TUBGCP6: variants seen among roughly 807,000 people sequenced by gnomAD.
The protein encoded by TUBGCP6 is gamma-tubulin complex component 6.
TUBGCP6 carries 161 observed loss-of-function variants against 175.8 expected under a neutral mutation model. That is an observed-to-expected ratio of 0.92 (90% CI 0.81 to 1.04). The LOEUF is 1.04. Ranked by LOEUF, TUBGCP6 falls within the 50% of genes least tolerant of loss-of-function variation. The pLI is 0.00. For missense variants in TUBGCP6, 2,572 were observed against 2,433.0 expected, an observed-to-expected ratio of 1.06 and a Z score of -1.20; for synonymous variants, 1,173 against 1,030.5, an observed-to-expected ratio of 1.14 and a Z score of -2.65.
chr22:50,243,525 C>T (rs947253088), intron 1 of TUBGCP6, among the ~76,000 whole-genome samples, 194 bp downstream of exon 1: 3 of 137,910 alleles, frequency 2.2e-5, no homozygotes, highest in African/African-American at 8.3e-5. Flanking sequence ...GGCTGAGGTA[C>T]GAGAATTGCT....
In TUBGCP6 at chr22:50,226,573, G is replaced by A. The variant is rs112466596; in HGVS notation, c.1601+160C>T. ...GGGCAGGGTGGGGGGTGTGGAGTGG[G>A]GGCAGGGTGGGGGGTTGGGGGCTCC... On this transcript the variant is annotated intron_variant, in intron 7 of 24. Transcript: ENST00000248846. Among the ~76,000 whole-genome samples, 4 of 147,978 alleles carry A rather than the reference G, an allele frequency of 2.7e-5. No individual in the cohort carries two copies. In the South Asian group the frequency reaches 6.5e-4, roughly 24 times the overall value.
chr22:50,234,972 C>A (rs1000881911), intron 2 of TUBGCP6, among the ~76,000 whole-genome samples: 6 of 147,424 alleles, frequency 4.1e-5, no homozygotes, highest in Non-Finnish European at 7.5e-5. Flanking sequence ...AGCATCCACA[C>A]CCAGGTCCAC....
In TUBGCP6 at chr22:50,240,251, T is replaced by C. The variant is rs1233011177; in HGVS notation, c.858A>G (p.Ala286=). The C allele has an allele frequency of 6.2e-7, 1 of 1,613,926 alleles. No homozygotes were observed. Among genetic ancestry groups the C allele is most frequent in the Non-Finnish European group, 8.5e-7 (1 of 1,180,018 alleles). ...VTPDVDLWEA[A]LTYEASKRRC... ...TCCGCTTGCTGGCCTCATAGGTAAG[T>C]GCGGCTTCCCACAGGTCCACGTCTG... The change falls in exon 2 of 25, where the codon GCA becomes GCG. Residue 286 remains alanine (A), a synonymous_variant. Coordinates refer to ENST00000248846, the MANE Select transcript of TUBGCP6 (RefSeq NM_020461.4).
Position 50,240,362 on chromosome 22 carries a change from T to G in TUBGCP6, c.747A>C (p.Pro249=). 1 of 1,612,734 alleles carries G rather than the reference T, an allele frequency of 6.2e-7. No homozygotes were observed. The highest frequency in any genetic ancestry group is 8.5e-7 in the Non-Finnish European group (1 of 1,179,586). ...CGTCTTCCCACTGATCCACACTCGG[T>G]GGGACCTGGAGACACAGGGAAGGGC... ...ADLSGLAIKV[P]PSVDQWEDEG... The change falls in exon 2 of 25, where the codon CCA becomes CCC. Residue 249 remains proline (P), a synonymous_variant. Coordinates refer to ENST00000248846, the MANE Select transcript of TUBGCP6 (RefSeq NM_020461.4).
At chr22:50,226,705 C>A in intron 7 of TUBGCP6, 28 bp downstream of exon 7, 1 of 1,545,186 alleles carries the variant, frequency 6.5e-7, no homozygotes, top group Non-Finnish European at 8.8e-7. Flanking sequence ...AGTGCGCGCC[C>A]GCCGCGCCTG....
intron 5 of TUBGCP6, among the ~76,000 whole-genome samples, chr22:50,227,391 C>T (rs2064628461): frequency 6.6e-6 from 1 of 152,130 alleles, no homozygotes; most frequent in Non-Finnish European, 1.5e-5. Context: ...ACCTGAGAGC[C>T]CCTCCCATCC....
intron 2 of TUBGCP6, among the ~76,000 whole-genome samples, chr22:50,234,957 A>AC: frequency 6.9e-6 from 1 of 144,200 alleles, no homozygotes; most frequent in Non-Finnish European, 1.5e-5. Context: ...ACTCCCGTCC[A>AC]TGGCAGCATC....
Position 50,219,768 on chromosome 22 carries a change from G to A in TUBGCP6, c.4191C>T (p.Ser1397=), listed in dbSNP as rs2064484935. 2 of 1,613,664 alleles carry A rather than the reference G, an allele frequency of 1.2e-6. No homozygotes were observed. Among genetic ancestry groups the A allele is most frequent in the East Asian group, 2.2e-5 (1 of 44,884 alleles). ...CCTCCGCCTCCTCACCACGGCCTGGGCTGCTCTGGGCAGCTGTGTCTTCCT... is the reference window on the plus strand; with the variant it reads ...CCTCCGCCTCCTCACCACGGCCTGGACTGCTCTGGGCAGCTGTGTCTTCCT... The part of the protein sequence containing the change: ...NSQEDTAAQS[S]PGRGEEAEAS... The change falls in exon 18 of 25, where the codon AGC becomes AGT. Residue 1397 remains serine, a synonymous_variant. Coordinates refer to ENST00000248846, the MANE Select transcript of TUBGCP6 (RefSeq NM_020461.4).
At position 50,240,574 on chromosome 22, in the gene TUBGCP6, A is replaced by G. The variant is rs544362664; in HGVS notation, c.742-207T>C. 2.6e-5 allele frequency among the ~76,000 whole-genome samples: 4 copies of G among 152,338 alleles called. 1 individual carries two copies. In the East Asian group the frequency reaches 7.7e-4, roughly 29 times the overall value. ...AAGTCGTCAAGGCTGCCAATTTCCA[A>G]TTCCATGTAACACATAAGCCTCAGT... On this transcript the variant is annotated intron_variant, in intron 1 of 24. Coordinates refer to ENST00000248846, the MANE Select transcript of TUBGCP6 (RefSeq NM_020461.4).
At chr22:50,233,242 T>C (rs887210840) in intron 3 of TUBGCP6, 74 bp downstream of exon 3, 2 of 1,529,268 alleles carry the variant, frequency 1.3e-6, no homozygotes, top group East Asian at 2.4e-5. Context: ...TTCTGCCCCA[T>C]AAAGGGCTGG....
rs376927241 is a variant in TUBGCP6, at chr22:50,244,155, C to T, written c.305G>A (p.Cys102Tyr). 8 of 1,613,390 alleles carry T rather than the reference C, an allele frequency of 5.0e-6. No individual in the cohort carries two copies. Among genetic ancestry groups the T allele is most frequent in the Admixed American group, 1.7e-5 (1 of 60,016 alleles). Residue 102 changes from cysteine to tyrosine, a missense_variant, in exon 1 of 25, where the codon TGT becomes TAT. Physicochemically the swap from Cys to Tyr is radical, Grantham distance 194. Transcript: ENST00000248846. ...LVEELEAAPC[C>Y]PLLEVGSVLD... ...AACAGACCCCACCTCCAAAAGCGGA[C>T]AGCAAGGGGCTGCTTCCAGCTCCTC...
chr22:50,234,397 C>A (rs2064737390), intron 2 of TUBGCP6, among the ~76,000 whole-genome samples: 2 of 150,570 alleles, frequency 1.3e-5, no homozygotes, highest in Admixed American at 1.3e-4. Flanking sequence ...ATCATCCACA[C>A]CCCTGTCCAC....
At position 50,243,773 on chromosome 22, in the gene TUBGCP6, TCG is replaced by T. The variant is rs1233761565; in HGVS notation, c.685_686del (p.Arg229ThrfsTer18). The T allele has an allele frequency of 6.8e-6, 11 of 1,613,390 alleles. No homozygotes were observed. The highest frequency in any genetic ancestry group is 8.5e-6 in the Non-Finnish European group (10 of 1,179,932). ...VHSRTYDMDV[R>X]LGLPPVPDNA... is the part of the protein sequence containing the mutation. ...TGTCTGGCACGGGGGGCAGGCCCAG[TCG>T]GACGTCCATGTCATAAGTGCGGCTG... On this transcript the variant is annotated frameshift_variant, in exon 1 of 25. Coordinates refer to ENST00000248846, the MANE Select transcript of TUBGCP6 (RefSeq NM_020461.4). LOFTEE classifies it high-confidence loss of function.
chr22:50,233,794 C>T (rs896618379), intron 2 of TUBGCP6, among the ~76,000 whole-genome samples: 3 of 152,084 alleles, frequency 2.0e-5, no homozygotes, highest in African/African-American at 7.3e-5. Flanking sequence ...TGGGCATGGC[C>T]GGGGGTATCC....
chr22:50,244,729 T>G lies in TUBGCP6; in HGVS notation c.-270A>C. 2 of 485,532 alleles carry G rather than the reference T, an allele frequency of 4.1e-6. No individual in the cohort carries two copies. The highest frequency in any genetic ancestry group is 3.7e-6 in the Non-Finnish European group (1 of 273,406). The allele number at this position is 485,532 out of a possible 1,614,324, so 30.1% of individuals were successfully genotyped here. On this transcript the variant is annotated 5_prime_UTR_variant, in exon 1 of 25. Transcript: ENST00000248846. ...CAGCTCGGCGTTTCTTCTAATTCAG[T>G]AGCCCTCAACCTTTAGGGAGTCACA...
chr22:50,244,015 CAT>C lies in TUBGCP6; in HGVS notation c.443_444del (p.Tyr148Ter). 1 of 1,614,130 alleles carries C rather than the reference CAT, an allele frequency of 6.2e-7. No individual in the cohort carries two copies. Among genetic ancestry groups the C allele is most frequent in the South Asian group, 1.1e-5 (1 of 91,076 alleles). On this transcript the variant is annotated frameshift_variant, in exon 1 of 25. Transcript: ENST00000248846. LOFTEE classifies it high-confidence loss of function. ...HVGRNVPYSGYDCDDLSVFEM... is the reference protein window; with the variant it reads ...HVGRNVPYSGXDCDDLSVFEM... The stretch of plus-strand genomic sequence containing the variant: ...TCAAACACACTCAGGTCGTCGCAAT[CAT>C]AGCCGCTGTACGGAACGTTTCTCCC...
At position 50,217,957 on chromosome 22, in the gene TUBGCP6, A is replaced by T; in HGVS notation, c.5329T>A (p.Tyr1777Asn). 6.2e-7 allele frequency: 1 copy of T among 1,610,412 alleles called. No individual in the cohort carries two copies. The highest frequency in any genetic ancestry group is 8.5e-7 in the Non-Finnish European group (1 of 1,178,506). Residue 1777 changes from tyrosine (Y) to asparagine (N), a missense_variant, in exon 24 of 25, where the codon TAC becomes AAC. By Grantham distance (143) the Tyr-to-Asn change is moderately radical. Transcript: ENST00000248846. Reference sequence around the variant, plus strand: ...TGGGAGTAGTACTTGAAGGTGTTGTAGGACTGCTGCATGAGTGCAAAGTTG... The same window carrying T: ...TGGGAGTAGTACTTGAAGGTGTTGTTGGACTGCTGCATGAGTGCAAAGTTG... ...HPNFALMQQS[Y>N]NTFKYYSHFL...
chr22:50,233,349 A>T lies in TUBGCP6; in HGVS notation c.1083T>A (p.Ile361=). The T allele has an allele frequency of 6.2e-7, 1 of 1,613,930 alleles. No homozygotes were observed. Among genetic ancestry groups the T allele is most frequent in the East Asian group, 2.2e-5 (1 of 44,872 alleles). ...GCGAAAACGTGGCAGACACGACCCC[A>T]ATCAAGACGTTCAGCACGTCTTTCA... is the stretch of plus-strand genomic sequence containing the variant. The part of the protein sequence containing the change: ...ELVKDVLNVL[I]GVVSATFSLC... Residue 361 remains isoleucine, a synonymous_variant, in exon 3 of 25, where the codon ATT becomes ATA. Transcript: ENST00000248846.
Position 50,234,802 on chromosome 22 carries a change from GCAGCATCATCCACACCCCCTGTCCACGA to G in TUBGCP6, c.906-1304_906-1277del, listed in dbSNP as rs1363825981. Among the ~76,000 whole-genome samples, 1,031 of 142,658 alleles carry G rather than the reference GCAGCATCATCCACACCCCCTGTCCACGA, an allele frequency of 7.2e-3. 15 individuals are homozygous for G. The highest frequency in any genetic ancestry group is 0.026 in the African/African-American group (966 of 37,548). The allele number at this position is 142,658 out of a possible 152,430, so 93.6% of individuals were successfully genotyped here. A position where few individuals can be genotyped will look rare whatever the true frequency, so the allele number is the denominator to read the frequency against. On this transcript the variant is annotated intron_variant, in intron 2 of 24. Transcript: ENST00000248846. ...AGCAGCATCCACATCCAGGTCCACA[GCAGCATCATCCACACCCCCTGTCCACGA>G]CAGCATCACCCACACCCCTGTCCCT...
Sources: allele counts gnomAD v4.1 joint callset (sites outside exome capture counted in the v4.1 genomes callset), GRCh38; gene constraint gnomAD v4.1.1; transcripts MANE v1.5; gene names NCBI Gene and HGNC (gene_info 2026-07-23, HGNC 2026-07-21).